ARHGAP4: variants seen among roughly 807,000 people sequenced by gnomAD.
The protein encoded by ARHGAP4 is Rho GTPase activating protein 4.
In ARHGAP4, 25 loss-of-function variants were observed where a neutral mutation model predicts 67.6. That is an observed-to-expected ratio of 0.37 (90% confidence interval 0.27 to 0.52). The LOEUF is 0.52. Ranked by LOEUF, ARHGAP4 falls within the 20% of genes least tolerant of loss-of-function variation. The pLI is 0.92. For missense variants in ARHGAP4, 804 were observed against 854.6 expected, an observed-to-expected ratio of 0.94 and a Z score of 0.74; for synonymous variants, 448 against 373.7, an observed-to-expected ratio of 1.20 and a Z score of -2.29.
At chrX:153,925,943 G>A in intron 1 of ARHGAP4, among the ~76,000 whole-genome samples, 193 bp downstream of exon 1, 1 of 112,924 alleles carries the variant, frequency 8.9e-6, no homozygotes, top group East Asian at 2.8e-4. Flanking sequence ...AGAAGGAAGG[G>A]AAAATGGCAG....
In ARHGAP4 at chrX:153,921,753, G is replaced by A. The variant is rs377130792; in HGVS notation, c.124C>T (p.Arg42Trp). The stretch of plus-strand genomic sequence containing the variant: ...GCCAGCTCCTGCAGCAACTCCCGCC[G>A]CAGCTCGCCCTGCAGCTCCAGGCAG... ...LRCLELQGEL[R>W]RELLQELAEF... Residue 42 changes from arginine to tryptophan, a missense_variant, in exon 2 of 22, where the codon CGG becomes TGG. Physicochemically the swap from Arg to Trp is moderately radical, Grantham distance 101. Around this residue, in one of 2 missense-constraint regions of ARHGAP4, gnomAD observed 404 missense variants for 505.9 expected, o/e 0.80. Coordinates refer to ENST00000350060, the MANE Select transcript of ARHGAP4 (RefSeq NM_001666.5). 3.2e-5 allele frequency: 39 copies of A among 1,201,487 alleles called. No homozygotes were observed. Among genetic ancestry groups the A allele is most frequent in the Non-Finnish European group, 3.7e-5 (33 of 891,205 alleles).
intron 10 of ARHGAP4, 38 bp downstream of exon 10, chrX:153,913,180 C>T (rs782219870): frequency 8.6e-7 from 1 of 1,164,400 alleles, no homozygotes; most frequent in South Asian, 1.9e-5. Flanking sequence ...GGGTCCTGGG[C>T]AGGGGAGAGG....
intron 1 of ARHGAP4, 72 bp downstream of exon 1, chrX:153,926,064 G>C: frequency 8.6e-7 from 1 of 1,157,220 alleles, no homozygotes. Flanking sequence ...CCAGCGCGGG[G>C]ACGCTTGGAG....
At chrX:153,916,032 G>A (rs183739990) in intron 7 of ARHGAP4, among the ~76,000 whole-genome samples, 198 of 111,533 alleles carry the variant, frequency 1.8e-3, no homozygotes, top group African/African-American at 6.2e-3. Flanking sequence ...AAATGACCCA[G>A]AGCATCAACA....
At chrX:153,921,260 T>C in intron 3 of ARHGAP4, 101 bp from the exon 4 acceptor site, 2 of 1,179,673 alleles carry the variant, frequency 1.7e-6, no homozygotes, top group South Asian at 1.9e-5. Context: ...GGCACACAGG[T>C]TCGCTCTGCC....
rs782420207 is a variant in ARHGAP4, at chrX:153,920,686, G to A, written c.621C>T (p.Ala207=). Residue 207 remains alanine (A), a synonymous_variant, in exon 5 of 22, where the codon GCC becomes GCT. Transcript: ENST00000350060. ...GRSVPTTTAG[A]TEAGPLRKSS... is the part of the protein sequence containing the mutation. ...TCTTGCGGAGGGGCCCTGCCTCAGT[G>A]GCACCAGCGGTGGTGGTGGGGACAC... 3.6e-5 allele frequency: 44 copies of A among 1,210,640 alleles called. No individual in the cohort carries two copies. The South Asian group carries it at 7.4e-4, about 20-fold the overall frequency.
chrX:153,917,216 A>G (rs1350867906), intron 7 of ARHGAP4, among the ~76,000 whole-genome samples: 2 of 109,352 alleles, frequency 1.8e-5, no homozygotes, highest in Non-Finnish European at 3.8e-5. Context: ...AGTCTGTCTC[A>G]AAAAATAAAT....
chrX:153,913,862 A>G lies in ARHGAP4; in HGVS notation c.1050T>C (p.Val350=), dbSNP rs1603285633. ...GAATCTCGTCCCGCAGCTCCATTTC[A>G]ACGCAGATCTCAGCCACCTGCAGAG... The part of the protein sequence containing the change: ...HDGDEVAEIC[V]EMELRDEILP... Residue 350 remains valine, a synonymous_variant, in exon 8 of 22, where the codon GTT becomes GTC. Coordinates refer to ENST00000350060, the MANE Select transcript of ARHGAP4 (RefSeq NM_001666.5). The G allele has an allele frequency of 2.5e-6, 3 of 1,211,869 alleles. No individual in the cohort carries two copies. In the African/African-American group the frequency reaches 5.2e-5, roughly 21 times the overall value.
intron 7 of ARHGAP4, 197 bp from the exon 8 acceptor site, chrX:153,914,076 C>T (rs187168090): frequency 8.1e-5 from 35 of 431,320 alleles, no homozygotes; most frequent in East Asian, 1.5e-4. Flanking sequence ...AGGTTCGTGG[C>T]GGCACCACTC....
At position 153,909,186 on chromosome X, in the gene ARHGAP4, G is replaced by A. The variant is rs369331728; in HGVS notation, c.2508-17C>T. On this transcript the variant is annotated splice_polypyrimidine_tract_variant and intron_variant, in intron 20 of 21. Coordinates refer to ENST00000350060, the MANE Select transcript of ARHGAP4 (RefSeq NM_001666.5). ...GGCTCTGGCCTGCAGGACAGACAGG[G>A]AGCCTGGTGGGGGCCCTGGGAAGTC... The A allele has an allele frequency of 8.5e-7, 1 of 1,182,750 alleles. No individual in the cohort carries two copies.
rs1557105065 is a variant in ARHGAP4 at position 153,920,724 on chromosome X, G to A, written c.583C>T (p.Arg195Trp). The A allele has an allele frequency of 8.3e-7, 1 of 1,211,790 alleles. No homozygotes were observed. The highest frequency in any genetic ancestry group is 1.1e-6 in the Non-Finnish European group (1 of 895,578). ...GTGGTGGGGACACTCCGGCCTGCCC[G>A]CTTCTCCTCCTGCCGCTCGGCCTCC... is the stretch of plus-strand genomic sequence containing the variant. ...LREAERQEEK[R>W]AGRSVPTTTA... Residue 195 changes from arginine (R) to tryptophan (W), a missense_variant, in exon 5 of 22, where the codon CGG becomes TGG. Coordinates refer to ENST00000350060, the MANE Select transcript of ARHGAP4 (RefSeq NM_001666.5).
In ARHGAP4 at chrX:153,909,484, C is replaced by G. The variant is rs1039259772; in HGVS notation, c.2466G>C (p.Gly822=). Residue 822 remains glycine, a synonymous_variant, in exon 20 of 22, where the codon GGG becomes GGC. Coordinates refer to ENST00000350060, the MANE Select transcript of ARHGAP4 (RefSeq NM_001666.5). Reference sequence around the variant, plus strand: ...ATGCCAGGAGGCCCTCGGGACTGCTCCCAGACTCCCCTGCAGTCTGCAGCC... The same window carrying G: ...ATGCCAGGAGGCCCTCGGGACTGCTGCCAGACTCCCCTGCAGTCTGCAGCC... ...GAGLQTAGES[G]SSPEGLLASE... is the part of the protein sequence containing the mutation. 7.4e-6 allele frequency: 9 copies of G among 1,208,510 alleles called. No individual in the cohort carries two copies. Among genetic ancestry groups the G allele is most frequent in the Admixed American group, 6.6e-5 (3 of 45,753 alleles).
intron 1 of ARHGAP4, among the ~76,000 whole-genome samples, chrX:153,923,344 T>C (rs781955352): frequency 7.2e-5 from 8 of 111,803 alleles, no homozygotes; most frequent in African/African-American, 2.3e-4. Flanking sequence ...ATGGGGACCC[T>C]GTGGGTTCCG....
rs2065016077 is a variant in ARHGAP4 at position 153,910,904 on chromosome X, C to T, written c.1681+18G>A. ...ATCTGCCCGAGCCCCCACCCCCGCC[C>T]GCCCTGCCCGTCCCCACCTCTCTCG... On this transcript the variant is annotated intron_variant, in intron 14 of 21. Coordinates refer to ENST00000350060, the MANE Select transcript of ARHGAP4 (RefSeq NM_001666.5). 2 of 1,138,107 alleles carry T rather than the reference C, an allele frequency of 1.8e-6. No individual in the cohort carries two copies. The highest frequency in any genetic ancestry group is 1.2e-6 in the Non-Finnish European group (1 of 856,473). 93.8% of individuals were successfully genotyped at this position (1,138,107 alleles called of 1,213,427 possible).
rs2065005212 is a variant in ARHGAP4 at position 153,909,936 on chromosome X, A to G, written c.2231-12T>C. ...GACCCCCTCCAGGTCTGGGGAGGAG[A>G]GGGGGTCCAAGCTGTGGGAGGGGGT... is the stretch of plus-strand genomic sequence containing the variant. On this transcript the variant is annotated splice_polypyrimidine_tract_variant and intron_variant, in intron 18 of 21. Coordinates refer to ENST00000350060, the MANE Select transcript of ARHGAP4 (RefSeq NM_001666.5). 1.8e-6 allele frequency: 2 copies of G among 1,127,504 alleles called. No individual in the cohort carries two copies. Among genetic ancestry groups the G allele is most frequent in the African/African-American group, 3.7e-5 (2 of 54,392 alleles). 92.9% of individuals were successfully genotyped at this position (1,127,504 alleles called of 1,213,427 possible). A position where few individuals can be genotyped will look rare whatever the true frequency, so the allele number is the denominator to read the frequency against.
At chrX:153,919,947 C>T (rs189210246) in intron 5 of ARHGAP4, among the ~76,000 whole-genome samples, 1 of 110,980 alleles carries the variant, frequency 9.0e-6, no homozygotes, top group East Asian at 2.8e-4. Flanking sequence ...CCATCATGCC[C>T]GGCTAATTTT....
chrX:153,910,152 G>A lies in ARHGAP4; in HGVS notation c.2156+19C>T, dbSNP rs368311630. On this transcript the variant is annotated intron_variant, in intron 17 of 21. Coordinates refer to ENST00000350060, the MANE Select transcript of ARHGAP4 (RefSeq NM_001666.5). ...CTCCAGTGGACCCCCCAGTCCCCTC[G>A]GCAGCACCAAGGGTGTACCCCAGGC... 25 of 1,209,352 alleles carry A rather than the reference G, an allele frequency of 2.1e-5. No individual in the cohort carries two copies. Among genetic ancestry groups the A allele is most frequent in the African/African-American group, 1.4e-4 (8 of 57,419 alleles).
At chrX:153,925,325 C>A (rs546747863) in intron 1 of ARHGAP4, among the ~76,000 whole-genome samples, 1 of 112,205 alleles carries the variant, frequency 8.9e-6, no homozygotes, top group South Asian at 3.7e-4. Context: ...CTAGAAGTTG[C>A]AGTGCTGTAT....
At chrX:153,910,889 G>GGCCCCCC in intron 14 of ARHGAP4, 33 bp downstream of exon 14, 13 of 1,147,236 alleles carry the variant, frequency 1.1e-5, no homozygotes, top group East Asian at 3.3e-5. Flanking sequence ...ATCTGCCCGA[G>GGCCCCCC]CCCCCACCCC....
Sources: allele counts gnomAD v4.1 joint callset (sites outside exome capture counted in the v4.1 genomes callset), GRCh38; gene constraint gnomAD v4.1.1; regional missense constraint gnomAD v4.1.1; transcripts MANE v1.5; gene names NCBI Gene and HGNC (gene_info 2026-07-23, HGNC 2026-07-21).